Variants in NCALD observed in about 807,000 individuals in gnomAD.
NCALD encodes neurocalcin delta, also known as neurocalcin-delta.
In NCALD, 10 loss-of-function variants were observed where a neutral mutation model predicts 18.6. The observed-to-expected ratio is 0.54, with a 90% CI of 0.33 to 0.91. The LOEUF is 0.91. Ranked by LOEUF, NCALD falls within the 40% of genes least tolerant of loss-of-function variation. NCALD has a pLI of 0.03. For synonymous variants in NCALD, 88 were observed against 87.4 expected (o/e 1.01, Z -0.04); for missense variants, 184 against 247.6 (o/e 0.74, Z 1.72).
At chr8:102,011,577 G>A (rs1474652867) in intron 2 of NCALD, among the ~76,000 whole-genome samples, 1 of 152,110 alleles carries the variant, frequency 6.6e-6, no homozygotes, top group African/African-American at 2.4e-5. Context: ...AAAGGTCAGT[G>A]CTCATTTGAC....
At chr8:102,089,835 C>A (rs1721080764) in intron 1 of NCALD, among the ~76,000 whole-genome samples, 1 of 152,154 alleles carries the variant, frequency 6.6e-6, no homozygotes, top group South Asian at 2.1e-4. Flanking sequence ...GAACTAAATT[C>A]TGTGTGTAGC....
intron 1 of NCALD, among the ~76,000 whole-genome samples, chr8:102,117,716 C>G (rs776722117): frequency 2.0e-5 from 3 of 151,854 alleles, no homozygotes; most frequent in Non-Finnish European, 4.4e-5. Flanking sequence ...TTCTTTTTAT[C>G]TAAACACAAT....
intron 4 of NCALD, among the ~76,000 whole-genome samples, chr8:101,875,421 C>G (rs993159976): frequency 6.6e-6 from 1 of 152,204 alleles, no homozygotes; most frequent in Admixed American, 6.5e-5. Context: ...CCTCACTGAC[C>G]CTGTCCCTTT....
chr8:102,114,035 C>T (rs928717457), intron 1 of NCALD, among the ~76,000 whole-genome samples: 1 of 152,236 alleles, frequency 6.6e-6, no homozygotes, highest in African/African-American at 2.4e-5. Context: ...CAATGCTTCT[C>T]GAGCACTTCC....
chr8:101,777,220 G>A (rs1006700044), intron 1 of NCALD, among the ~76,000 whole-genome samples: 1 of 152,202 alleles, frequency 6.6e-6, no homozygotes, highest in African/African-American at 2.4e-5. Flanking sequence ...TTCAGTCCCT[G>A]AGTTATTCAG....
intron 1 of NCALD, among the ~76,000 whole-genome samples, chr8:102,091,532 C>G (rs1824923156): frequency 6.6e-6 from 1 of 152,076 alleles, no homozygotes; most frequent in African/African-American, 2.4e-5. Context: ...ATCTAGCAAC[C>G]CCATATCAGC....
intron 1 of NCALD, among the ~76,000 whole-genome samples, chr8:101,720,472 A>C (rs1028416426): frequency 2.6e-5 from 4 of 152,206 alleles, no homozygotes; most frequent in Non-Finnish European, 5.9e-5. Context: ...CCTGAGAGAT[A>C]ACAATTGCTA....
chr8:101,797,582 C>A (rs963032971), intron 4 of NCALD, among the ~76,000 whole-genome samples: 10 of 152,214 alleles, frequency 6.6e-5, no homozygotes, highest in African/African-American at 2.4e-4. Context: ...CTTTGGGTGG[C>A]CAAAGCAGGC....
chr8:101,942,884 C>G (rs982208094), intron 2 of NCALD, among the ~76,000 whole-genome samples: 1 of 152,144 alleles, frequency 6.6e-6, no homozygotes, highest in Non-Finnish European at 1.5e-5. Context: ...CATCCAATTA[C>G]CATCTCATAT....
intron 4 of NCALD, among the ~76,000 whole-genome samples, chr8:101,884,012 A>G (rs576377579): frequency 5.9e-4 from 90 of 152,320 alleles, no homozygotes; most frequent in African/African-American, 2.1e-3. Flanking sequence ...TTCATTCTCT[A>G]CTAAAGTCTT....
intron 1 of NCALD, among the ~76,000 whole-genome samples, chr8:101,769,834 G>A (rs565653769): frequency 4.6e-5 from 7 of 152,234 alleles, no homozygotes; most frequent in South Asian, 2.1e-4. Flanking sequence ...CTGGGGATGC[G>A]GAGAATCAGG....
intron 4 of NCALD, among the ~76,000 whole-genome samples, chr8:101,837,897 C>T (rs1253523415): frequency 6.6e-6 from 1 of 152,138 alleles, no homozygotes; most frequent in African/African-American, 2.4e-5. Context: ...TTGAAACATT[C>T]TATATTGCAA....
chr8:101,725,128 G>A (rs1192619137), intron 1 of NCALD, among the ~76,000 whole-genome samples: 1 of 152,086 alleles, frequency 6.6e-6, no homozygotes, highest in Non-Finnish European at 1.5e-5. Context: ...CCTCAAGCCT[G>A]GAAACCATGA....
At chr8:102,043,726 G>A (rs754243013) in intron 1 of NCALD, among the ~76,000 whole-genome samples, 15 of 149,946 alleles carry the variant, frequency 1.0e-4, no homozygotes, top group African/African-American at 3.0e-4. Flanking sequence ...ACAGGGAGGG[G>A]GAGGAGGAGG....
intron 1 of NCALD, among the ~76,000 whole-genome samples, chr8:102,065,186 C>T (rs1342335446): frequency 6.6e-6 from 1 of 151,926 alleles, no homozygotes; most frequent in African/African-American, 2.4e-5. Context: ...TGCTGAGCGG[C>T]TGCAACAGAT....
At chr8:101,921,208 G>T (rs1818152496) in intron 2 of NCALD, among the ~76,000 whole-genome samples, 2 of 150,456 alleles carry the variant, frequency 1.3e-5, no homozygotes, top group African/African-American at 2.4e-5. Flanking sequence ...AGTCTGTCAA[G>T]TACAATTTCA....
chr8:101,829,596 T>A (rs1226831604), intron 4 of NCALD, among the ~76,000 whole-genome samples: 1 of 152,252 alleles, frequency 6.6e-6, no homozygotes, highest in Non-Finnish European at 1.5e-5. Context: ...AACATTTTTT[T>A]AATTAAAGAA....
intron 2 of NCALD, among the ~76,000 whole-genome samples, chr8:101,987,524 A>G (rs1820859358): frequency 6.6e-6 from 1 of 152,220 alleles, no homozygotes; most frequent in Non-Finnish European, 1.5e-5. Flanking sequence ...TATCCAAAAG[A>G]AAAATATAAG....
intron 2 of NCALD, among the ~76,000 whole-genome samples, chr8:101,990,764 A>G (rs1422517442): frequency 6.6e-6 from 1 of 152,210 alleles, no homozygotes; most frequent in African/African-American, 2.4e-5. Flanking sequence ...CTTTATCAGC[A>G]GCATAAAAAT....
Sources: allele counts gnomAD v4.1 joint callset (sites outside exome capture counted in the v4.1 genomes callset), GRCh38; gene constraint gnomAD v4.1.1; transcripts MANE v1.5; gene names NCBI Gene and HGNC (gene_info 2026-07-23, HGNC 2026-07-21).